SLC28A3: variants seen among roughly 807,000 people sequenced by gnomAD.
SLC28A3 encodes solute carrier family 28 member 3.
SLC28A3 carries 68 observed loss-of-function variants against 84.2 expected under a neutral mutation model. The ratio of observed to expected loss-of-function variants is 0.81; its 90% confidence interval spans 0.66 to 0.99. SLC28A3 has a LOEUF of 0.99. Among genes scored for constraint, SLC28A3 ranks in the 50% least tolerant of loss-of-function variants. SLC28A3 has a pLI of 0.00. For missense variants in SLC28A3, 712 were observed against 841.5 expected, an observed-to-expected ratio of 0.85 and a Z score of 1.90; for synonymous variants, 267 against 303.6, an observed-to-expected ratio of 0.88 and a Z score of 1.25.
intron 4 of SLC28A3, 43 bp downstream of exon 4, chr9:84,305,211 A>G (rs1248828350): frequency 6.6e-7 from 1 of 1,504,250 alleles, no homozygotes; most frequent in Non-Finnish European, 9.0e-7. Context: ...TGAAAAAAAA[A>G]AAAAAAAAGA....
At chr9:84,356,842 T>C in the SLC28A3 span, among the ~76,000 whole-genome samples, 9 of 151,398 alleles carry the variant, frequency 5.9e-5, no homozygotes, top group South Asian at 2.1e-4. Flanking sequence ...AAAAAATAAA[T>C]AAATAAAATA....
upstream of SLC28A3, among the ~76,000 whole-genome samples, chr9:84,342,511 G>A (rs1436625704): frequency 3.3e-5 from 5 of 151,892 alleles, no homozygotes; most frequent in Non-Finnish European, 5.9e-5. Flanking sequence ...CTCCTGGGCT[G>A]AAGCTATCCT....
chr9:84,276,051 A>C lies in SLC28A3; in HGVS notation c.*2167T>G, dbSNP rs1824516778. 1 of 152,174 alleles carries C rather than the reference A, an allele frequency of 6.6e-6. No individual in the cohort carries two copies. The highest frequency in any genetic ancestry group is 1.5e-5 in the Non-Finnish European group (1 of 68,036). The allele number at this position is 152,174 out of a possible 1,614,324, so 9.4% of individuals were successfully genotyped here. A position where few individuals can be genotyped will look rare whatever the true frequency, so the allele number is the denominator to read the frequency against. ...CCAATATGGTAGCCACTAATACCTGAAATATGGAGTAACCAAGTAACAAAT... is the reference window on the plus strand; with the variant it reads ...CCAATATGGTAGCCACTAATACCTGCAATATGGAGTAACCAAGTAACAAAT... On this transcript the variant is annotated 3_prime_UTR_variant, in exon 18 of 18. Transcript: ENST00000376238.
chr9:84,315,171 G>A (rs1047629574), intron 1 of SLC28A3, among the ~76,000 whole-genome samples: 1 of 152,176 alleles, frequency 6.6e-6, no homozygotes, highest in African/African-American at 2.4e-5. Flanking sequence ...TGGCTGACAG[G>A]TACCCGGAGA....
intron 2 of SLC28A3, among the ~76,000 whole-genome samples, chr9:84,312,729 G>C (rs1281585520): frequency 2.0e-5 from 3 of 151,878 alleles, no homozygotes; most frequent in East Asian, 3.9e-4. Flanking sequence ...AGTAGAGATG[G>C]GTTTTCACCA....
At position 84,279,959 on chromosome 9, in the gene SLC28A3, G is replaced by A; in HGVS notation, c.1828+16C>T. The A allele has an allele frequency of 6.2e-7, 1 of 1,612,430 alleles. No individual in the cohort carries two copies. The highest frequency in any genetic ancestry group is 8.5e-7 in the Non-Finnish European group (1 of 1,179,354). Reference sequence around the variant, plus strand: ...CATCCTGTGGGCACTGGGACACAAAGGACAGGGTGCGGTACCTGCGATGCA... The same window carrying A: ...CATCCTGTGGGCACTGGGACACAAAAGACAGGGTGCGGTACCTGCGATGCA... On this transcript the variant is annotated intron_variant, in intron 16 of 17. Transcript: ENST00000376238.
At chr9:84,303,090 C>T (rs547322160) in intron 4 of SLC28A3, among the ~76,000 whole-genome samples, 1 of 152,248 alleles carries the variant, frequency 6.6e-6, no homozygotes, top group African/African-American at 2.4e-5. Flanking sequence ...TGAACCGAGC[C>T]TGTCTTGGCC....
intron 3 of SLC28A3, among the ~76,000 whole-genome samples, chr9:84,306,719 T>C (rs988457474): frequency 1.3e-5 from 2 of 151,810 alleles, no homozygotes; most frequent in Non-Finnish European, 2.9e-5. Context: ...GAGTAGAACG[T>C]TGGATATTAA....
chr9:84,308,430 C>A (rs892907804), intron 3 of SLC28A3, among the ~76,000 whole-genome samples: 1 of 151,812 alleles, frequency 6.6e-6, no homozygotes, highest in African/African-American at 2.4e-5. Flanking sequence ...CCTGTAATCC[C>A]AGCTACTCGG....
At chr9:84,288,218 T>C in intron 11 of SLC28A3, 40 bp from the exon 12 acceptor site, 1 of 1,611,832 alleles carries the variant, frequency 6.2e-7, no homozygotes, top group Non-Finnish European at 8.5e-7. Flanking sequence ...TGGGATTAGC[T>C]TTTTTCTTGT....
chr9:84,361,600 G>A, the SLC28A3 span, among the ~76,000 whole-genome samples: 3 of 152,092 alleles, frequency 2.0e-5, no homozygotes, highest in African/African-American at 4.8e-5. Flanking sequence ...GCTCTCCCGC[G>A]AGAGTGTTTT....
chr9:84,292,471 CTCTG>C (rs1305701006), intron 10 of SLC28A3, 193 bp downstream of exon 10: 420 of 389,622 alleles, frequency 1.1e-3, no homozygotes, highest in South Asian at 2.2e-3. Flanking sequence ...CTGTCTCTCT[CTCTG>C]TCTCTCTCTC....
chr9:84,285,903 C>T (rs751491281), intron 13 of SLC28A3, 40 bp downstream of exon 13: 1 of 1,583,536 alleles, frequency 6.3e-7, no homozygotes, highest in Non-Finnish European at 8.6e-7. Flanking sequence ...CAAAGATAGG[C>T]AGAAACAAAA....
rs1342808819 is a variant in SLC28A3 at position 84,293,342 on chromosome 9, T to C, written c.943-594A>G. On this transcript the variant is annotated intron_variant, in intron 9 of 17. Transcript: ENST00000376238. ...GGACTTCCTGTTGCATTCTCTCTCC[T>C]TGCTTTTTAGTTTAGACAAGAGCAT... Among the ~76,000 whole-genome samples, 5 of 152,228 alleles carry C rather than the reference T, an allele frequency of 3.3e-5. No homozygotes were observed. In the East Asian group the frequency reaches 9.6e-4, roughly 29 times the overall value.
rs1827135133 is a variant in SLC28A3, at chr9:84,340,733, G to A, written c.-100C>T. The A allele has an allele frequency of 3.7e-6, 5 of 1,349,514 alleles. No homozygotes were observed. The highest frequency in any genetic ancestry group is 2.3e-5 in the East Asian group (1 of 43,156). The allele number at this position is 1,349,514 out of a possible 1,614,324, so 83.6% of individuals were successfully genotyped here. A position where few individuals can be genotyped will look rare whatever the true frequency, so the allele number is the denominator to read the frequency against. On this transcript the variant is annotated 5_prime_UTR_variant, in exon 1 of 18. Transcript: ENST00000376238. ...TCAGAAAGCCACCTGCTGTTACAGG[G>A]ACCTGGGCACAGCTTGCTTCAGTTT...
chr9:84,342,340 G>C (rs1479926906), upstream of SLC28A3, among the ~76,000 whole-genome samples: 1 of 151,750 alleles, frequency 6.6e-6, no homozygotes, highest in South Asian at 2.1e-4. Context: ...TGTAAGTATA[G>C]AGTTTATTTG....
At chr9:84,366,008 C>T in the SLC28A3 span, among the ~76,000 whole-genome samples, 1 of 152,136 alleles carries the variant, frequency 6.6e-6, no homozygotes, top group African/African-American at 2.4e-5. Context: ...CAAGATCGTG[C>T]CATTGCACTC....
rs980619312 is a variant in SLC28A3, at chr9:84,314,816, C to T, written c.61-1362G>A. ...AGCATGGGCTGGGTGTGGTGGCTGA[C>T]GCCCGTAATCCCAGCACTTTGGGAG... On this transcript the variant is annotated intron_variant, in intron 1 of 17. Transcript: ENST00000376238. Among the ~76,000 whole-genome samples the T allele has an allele frequency of 9.9e-5, 15 of 152,278 alleles. 1 individual carries two copies. Among genetic ancestry groups the T allele is most frequent in the Admixed American group, 2.6e-4 (4 of 15,292 alleles).
At chr9:84,302,160 T>C (rs1825656243) in intron 5 of SLC28A3, 40 bp downstream of exon 5, 1 of 1,592,674 alleles carries the variant, frequency 6.3e-7, no homozygotes, top group Admixed American at 1.7e-5. Flanking sequence ...AAAGGACTAC[T>C]ATCTCTCTTA....
Sources: gnomAD v4.1 joint callset for allele counts (sites outside exome capture counted in the v4.1 genomes callset) on GRCh38, gnomAD v4.1.1 for gene constraint, MANE v1.5 for transcripts, NCBI Gene and HGNC (gene_info 2026-07-23, HGNC 2026-07-21) for gene names.